MAML3: variants seen among roughly 807,000 people sequenced by gnomAD.
MAML3 encodes mastermind-like protein 3.
Under a neutral mutation model 101.9 loss-of-function variants are expected in MAML3, and 27 were observed. The observed-to-expected ratio is 0.27, with a 90% CI of 0.20 to 0.37. The LOEUF is 0.37. MAML3 is among the 10% of genes least tolerant of loss of function. MAML3 has a pLI of 1.00. For missense variants in MAML3, 1,316 were observed against 1,444.9 expected (o/e 0.91, Z 1.45); for synonymous variants, 501 against 555.9 (o/e 0.90, Z 1.39).
intron 1 of MAML3, among the ~76,000 whole-genome samples, chr4:140,091,532 C>CAAAAAAAAAAAAAAAA (rs1218380120): frequency 8.3e-5 from 1 of 12,082 alleles, no homozygotes; most frequent in Non-Finnish European, 4.8e-4. Flanking sequence ...AACAAAACAA[C>CAAAAAAAAAAAAAAAA]AAAACAAAAA....
At chr4:139,859,945 G>A (rs1268738352) in intron 2 of MAML3, among the ~76,000 whole-genome samples, 1 of 152,268 alleles carries the variant, frequency 6.6e-6, no homozygotes, top group Admixed American at 6.5e-5. Flanking sequence ...GAGCGCCACA[G>A]GGTGCAAGGC....
chr4:140,126,192 A>AG (rs11386397), intron 1 of MAML3, among the ~76,000 whole-genome samples: 1 of 149,666 alleles, frequency 6.7e-6, no homozygotes, highest in Non-Finnish European at 1.5e-5. Context: ...AAAAAAAAAA[A>AG]GGAAGCCACA....
rs1728881172 is a variant in MAML3, at chr4:139,735,082, G to C, written c.2080-4415C>G. 1.3e-5 allele frequency among the ~76,000 whole-genome samples: 2 copies of C among 152,284 alleles called. No homozygotes were observed. The highest frequency in any genetic ancestry group is 2.9e-5 in the Non-Finnish European group (2 of 68,010). ...TCCCGCCCGCCCCTCCGCGGCCCCC[G>C]CCCCGCGCGTCTGGGCGAGCGCTGC... is the stretch of plus-strand genomic sequence containing the variant. On this transcript the variant is annotated intron_variant, in intron 2 of 4. Coordinates refer to ENST00000509479, the MANE Select transcript of MAML3 (RefSeq NM_018717.5). This position sits in a 1 kb window ranked among gnomAD's most constrained non-coding sequence, Gnocchi z 5.8.
At chr4:139,864,645 C>T (rs1369147956) in intron 2 of MAML3, among the ~76,000 whole-genome samples, 2 of 128,554 alleles carry the variant, frequency 1.6e-5, no homozygotes, top group Non-Finnish European at 3.1e-5. Flanking sequence ...CACTGCCCTC[C>T]AGCCTGGCGA....
At chr4:140,118,133 C>T (rs1728545479) in intron 1 of MAML3, among the ~76,000 whole-genome samples, 1 of 151,886 alleles carries the variant, frequency 6.6e-6, no homozygotes, top group South Asian at 2.1e-4. Context: ...TCAGCTACAA[C>T]CAACCCCCAG....
At chr4:139,987,133 G>A (rs1358390930) in intron 1 of MAML3, among the ~76,000 whole-genome samples, 3 of 152,132 alleles carry the variant, frequency 2.0e-5, no homozygotes, top group Admixed American at 6.5e-5. Context: ...CTTTTTCTTC[G>A]TGTTAAAAAG....
At chr4:140,142,298 A>C (rs1322460626) in intron 1 of MAML3, among the ~76,000 whole-genome samples, 3 of 152,206 alleles carry the variant, frequency 2.0e-5, no homozygotes, top group Non-Finnish European at 2.9e-5. Flanking sequence ...GAGATTCCAG[A>C]CTGTAGCTAC....
At chr4:139,872,169 C>T (rs1253115045) in intron 2 of MAML3, among the ~76,000 whole-genome samples, 3 of 152,112 alleles carry the variant, frequency 2.0e-5, no homozygotes, top group Middle Eastern at 3.2e-3. Flanking sequence ...CAACATTTCA[C>T]TCTATTGAAT....
intron 1 of MAML3, among the ~76,000 whole-genome samples, chr4:140,039,272 G>A (rs1471831511): frequency 6.6e-6 from 1 of 152,120 alleles, no homozygotes; most frequent in Non-Finnish European, 1.5e-5. Flanking sequence ...AGGAAGCATC[G>A]CTGAAGCTTT....
At chr4:139,741,955 A>C (rs991912638) in intron 2 of MAML3, among the ~76,000 whole-genome samples, 3 of 152,212 alleles carry the variant, frequency 2.0e-5, no homozygotes, top group Non-Finnish European at 4.4e-5. Flanking sequence ...GAAATGGCTC[A>C]GGTATTTTCT....
intron 1 of MAML3, among the ~76,000 whole-genome samples, chr4:140,019,939 C>T (rs1726705885): frequency 1.3e-5 from 2 of 152,192 alleles, no homozygotes; most frequent in African/African-American, 4.8e-5. Context: ...CCTTATGTTT[C>T]CATCTTTCTC....
At chr4:140,045,641 T>C (rs939054678) in intron 1 of MAML3, among the ~76,000 whole-genome samples, 1 of 152,208 alleles carries the variant, frequency 6.6e-6, no homozygotes, top group Non-Finnish European at 1.5e-5. Context: ...ATAACTCAGC[T>C]ACTATATAAT....
intron 1 of MAML3, among the ~76,000 whole-genome samples, chr4:139,976,944 G>C (rs1250957513): frequency 6.6e-6 from 1 of 150,852 alleles, no homozygotes; most frequent in Non-Finnish European, 1.5e-5. Context: ...CTGAATGGCT[G>C]TATTCCCCCA....
chr4:139,988,659 C>A (rs1046086297), intron 1 of MAML3, among the ~76,000 whole-genome samples: 4 of 152,136 alleles, frequency 2.6e-5, no homozygotes, highest in African/African-American at 9.7e-5. Flanking sequence ...CAAAAGAGGG[C>A]ATTTAAGAGA....
intron 2 of MAML3, among the ~76,000 whole-genome samples, chr4:139,882,120 T>A (rs976574886): frequency 2.0e-5 from 3 of 151,830 alleles, no homozygotes; most frequent in Non-Finnish European, 4.4e-5. Context: ...GGTTGGAAGA[T>A]GAAGGAAATC....
At chr4:140,032,879 T>A (rs1578651603) in intron 1 of MAML3, among the ~76,000 whole-genome samples, 2 of 137,766 alleles carry the variant, frequency 1.5e-5, no homozygotes, top group Non-Finnish European at 1.6e-5. Flanking sequence ...TCATTGTTTG[T>A]AAAAAAAAAA....
intron 1 of MAML3, among the ~76,000 whole-genome samples, chr4:139,968,688 C>T (rs1734183660): frequency 6.6e-6 from 1 of 152,124 alleles, no homozygotes; most frequent in African/African-American, 2.4e-5. Context: ...AGTACTCTGC[C>T]ACCTTGAGAG....
intron 1 of MAML3, among the ~76,000 whole-genome samples, chr4:139,894,557 A>AAGAAAGAG (rs1553962901): frequency 5.4e-5 from 8 of 148,608 alleles, no homozygotes; most frequent in African/African-American, 2.0e-4. Context: ...GAAAGAAAGA[A>AAGAAAGAG]AGAAAGAAAA....
intron 1 of MAML3, among the ~76,000 whole-genome samples, chr4:139,988,098 G>A (rs190031028): frequency 2.3e-4 from 33 of 146,262 alleles, no homozygotes; most frequent in African/African-American, 5.8e-4. Context: ...AGGCCGAGGC[G>A]GGCGGATCAC....
Sources: gnomAD v4.1 joint callset for allele counts (sites outside exome capture counted in the v4.1 genomes callset) on GRCh38, gnomAD v4.1.1 for gene constraint, Gnocchi (gnomAD v3.1) non-coding constraint, MANE v1.5 for transcripts, NCBI Gene and HGNC (gene_info 2026-07-23, HGNC 2026-07-21) for gene names.